Variants in DNAH6 observed in about 807,000 individuals in gnomAD.
The protein encoded by DNAH6 is axonemal beta dynein heavy chain 6.
In DNAH6, 340 loss-of-function variants were observed where a neutral mutation model predicts 491.4. The ratio of observed to expected loss-of-function variants is 0.69; its 90% CI spans 0.63 to 0.76. DNAH6 has a LOEUF of 0.76. DNAH6 is among the 30% of genes least tolerant of loss of function. The pLI is 0.00. For synonymous variants in DNAH6, 1,603 were observed against 1,686.1 expected, an observed-to-expected ratio of 0.95 and a Z score of 1.21; for missense variants, 4,443 against 4,972.2, an observed-to-expected ratio of 0.89 and a Z score of 3.20.
At chr2:84,769,611 G>A (rs1393777426) in intron 64 of DNAH6, among the ~76,000 whole-genome samples, 1 of 152,170 alleles carries the variant, frequency 6.6e-6, no homozygotes, top group Non-Finnish European at 1.5e-5. Context: ...GTAGTTGTTT[G>A]TTTTGGCCTG....
chr2:84,486,347 A>G, the DNAH6 span, among the ~76,000 whole-genome samples: 1 of 152,180 alleles, frequency 6.6e-6, no homozygotes, highest in African/African-American at 2.4e-5. Context: ...GCTCTCCTTA[A>G]ATGGTGCCCA....
intron 11 of DNAH6, among the ~76,000 whole-genome samples, chr2:84,571,087 T>C (rs967837487): frequency 2.0e-5 from 3 of 152,176 alleles, no homozygotes; most frequent in Non-Finnish European, 2.9e-5. Context: ...TACCAAATCC[T>C]TTGAATAAAA....
chr2:84,775,428 A>G (rs1391530754), intron 64 of DNAH6, among the ~76,000 whole-genome samples: 1 of 151,928 alleles, frequency 6.6e-6, no homozygotes, highest in Non-Finnish European at 1.5e-5. Context: ...TTTGTTGAGA[A>G]TTTTCGCATC....
Position 84,694,356 on chromosome 2 carries a change from A to G in DNAH6, c.7400A>G (p.Lys2467Arg). 1 of 1,552,404 alleles carries G rather than the reference A, an allele frequency of 6.4e-7. No homozygotes were observed. ...CTTGCAGCTCATATATGCGGTTACA[A>G]ATGTTTGCAGATTGAACTCAGCCGG... is the stretch of plus-strand genomic sequence containing the variant. ...TRLAAHICGY[K>R]CLQIELSRGY... Residue 2467 changes from lysine (K) to arginine (R), a missense_variant, in exon 46 of 77, where the codon AAA becomes AGA. Physicochemically the swap from Lys to Arg is conservative, Grantham distance 26 (BLOSUM62 2). This residue lies in a region of DNAH6 where 2,977 missense variants were observed against 3,296.6 expected (regional missense o/e 0.90). Transcript: ENST00000389394.
intron 62 of DNAH6, among the ~76,000 whole-genome samples, chr2:84,740,080 G>A (rs1266889413): frequency 6.6e-6 from 1 of 151,564 alleles, no homozygotes; most frequent in Non-Finnish European, 1.5e-5. Flanking sequence ...TTCCCTTGGG[G>A]GTATGACTGT....
rs746794055 is a variant in DNAH6, at chr2:84,813,965, T to C, written c.11999-6T>C. The C allele has an allele frequency of 2.0e-4, 317 of 1,551,500 alleles. 1 individual carries two copies. Among genetic ancestry groups the C allele is most frequent in the Non-Finnish European group, 2.3e-4 (266 of 1,146,950 alleles). ...GAACGCAGCTTTCCGATTTTCACAA[T>C]TACAGGAACTCTTCAAAATCATGCT... On this transcript the variant is annotated splice_region_variant and splice_polypyrimidine_tract_variant and intron_variant, in intron 74 of 76. Transcript: ENST00000389394.
chr2:84,638,114 T>C (rs1689043901), intron 31 of DNAH6, among the ~76,000 whole-genome samples: 2 of 151,996 alleles, frequency 1.3e-5, no homozygotes, highest in African/African-American at 4.8e-5. Context: ...TCAAAATAAA[T>C]AAATAAATAT....
chr2:84,721,318 C>G (rs920421602), intron 59 of DNAH6, among the ~76,000 whole-genome samples: 1 of 152,032 alleles, frequency 6.6e-6, no homozygotes, highest in Non-Finnish European at 1.5e-5. Context: ...ATAGGGGTTT[C>G]CTACTCAACT....
intron 13 of DNAH6, among the ~76,000 whole-genome samples, chr2:84,578,184 G>A (rs1280933137): frequency 6.6e-6 from 1 of 152,128 alleles, no homozygotes; most frequent in African/African-American, 2.4e-5. Context: ...AAAAAAGAGT[G>A]CAGACCTGAG....
chr2:84,616,951 T>A lies in DNAH6; in HGVS notation c.3541T>A (p.Tyr1181Asn). The A allele has an allele frequency of 6.7e-7, 1 of 1,500,422 alleles. No individual in the cohort carries two copies. 92.9% of individuals were successfully genotyped at this position (1,500,422 alleles called of 1,614,324 possible). The change falls in exon 23 of 77, where the codon TAC becomes AAC. Residue 1181 changes from tyrosine to asparagine, a missense_variant. Physicochemically the swap from Tyr to Asn is moderately radical, Grantham distance 143. Around this residue, in one of 3 missense-constraint regions of DNAH6, gnomAD observed 2,977 missense variants for 3,296.6 expected, o/e 0.90. Transcript: ENST00000389394. ...CCAAATTCAGAAGTGCCTAGAGGCA[T>A]ACTTAGAATCAAAAAGAGTTATCTT... The part of the protein sequence containing the change: ...LDQIQKCLEA[Y>N]LESKRVIFPR...
intron 22 of DNAH6, among the ~76,000 whole-genome samples, chr2:84,614,071 T>C (rs1686594491): frequency 6.6e-6 from 1 of 152,142 alleles, no homozygotes; most frequent in African/African-American, 2.4e-5. Flanking sequence ...ACAGGTGGTG[T>C]ATGGTTCTAT....
At chr2:84,481,257 A>T in the DNAH6 span, among the ~76,000 whole-genome samples, 4 of 152,158 alleles carry the variant, frequency 2.6e-5, no homozygotes, top group Non-Finnish European at 4.4e-5. Context: ...GTCCCAGATT[A>T]TTTCATTTAC....
At chr2:84,767,611 A>T (rs985008788) in intron 64 of DNAH6, among the ~76,000 whole-genome samples, 1 of 152,132 alleles carries the variant, frequency 6.6e-6, no homozygotes, top group Non-Finnish European at 1.5e-5. Flanking sequence ...CAATATATCA[A>T]TTTGATGAAT....
At chr2:84,536,177 A>G (rs1677674317) in intron 4 of DNAH6, among the ~76,000 whole-genome samples, 1 of 152,054 alleles carries the variant, frequency 6.6e-6, no homozygotes, top group South Asian at 2.1e-4. Flanking sequence ...TCGTTGTTTC[A>G]TAGTTAAGTG....
chr2:84,460,731 A>G, the DNAH6 span, among the ~76,000 whole-genome samples: 1 of 152,202 alleles, frequency 6.6e-6, no homozygotes, highest in Non-Finnish European at 1.5e-5. Context: ...TGATGGACTT[A>G]GGATATTTCA....
At chr2:84,717,046 C>T (rs1247371885) in intron 58 of DNAH6, among the ~76,000 whole-genome samples, 1 of 152,164 alleles carries the variant, frequency 6.6e-6, no homozygotes, top group African/African-American at 2.4e-5. Flanking sequence ...CTGGAAAATG[C>T]CAACCACAAT....
chr2:84,713,933 C>T (rs141291311), intron 57 of DNAH6, among the ~76,000 whole-genome samples: 1 of 152,226 alleles, frequency 6.6e-6, no homozygotes, highest in East Asian at 1.9e-4. Context: ...ATACATATGT[C>T]CCTGAGACTC....
At chr2:84,816,689 C>T (rs1422797019) in intron 76 of DNAH6, among the ~76,000 whole-genome samples, 1 of 152,176 alleles carries the variant, frequency 6.6e-6, no homozygotes, top group African/African-American at 2.4e-5. Flanking sequence ...GGCCACTGCA[C>T]TCCAGCCTAG....
At chr2:84,529,280 C>A in intron 4 of DNAH6, 114 bp downstream of exon 4, 1 of 868,432 alleles carries the variant, frequency 1.2e-6, no homozygotes, top group Non-Finnish European at 1.7e-6. Context: ...TTTTGGTTAT[C>A]ATTCAATGAT....
Sources: allele counts gnomAD v4.1 joint callset (sites outside exome capture counted in the v4.1 genomes callset), GRCh38; gene constraint gnomAD v4.1.1; regional missense constraint gnomAD v4.1.1; transcripts MANE v1.5; gene names NCBI Gene and HGNC (gene_info 2026-07-23, HGNC 2026-07-21).